Variants in ATXN7L1 observed in about 807,000 individuals in gnomAD.
ATXN7L1 encodes ataxin 7 like 1, also known as ataxin-7-like protein 1.
A neutral mutation model predicts 70.8 loss-of-function variants in ATXN7L1; 15 were observed. The ratio of observed to expected loss-of-function variants is 0.21; its 90% CI spans 0.14 to 0.33. The LOEUF (loss-of-function observed/expected upper bound fraction) is 0.33, where lower values mean the gene tolerates loss of function less well. Ranked by LOEUF, ATXN7L1 falls within the 10% of genes least tolerant of loss-of-function variation. ATXN7L1 has a pLI of 1.00. For missense variants in ATXN7L1, 975 were observed against 1,097.1 expected (o/e 0.89, Z 1.57); for synonymous variants, 440 against 445.1 (o/e 0.99, Z 0.14).
intron 2 of ATXN7L1, among the ~76,000 whole-genome samples, chr7:105,809,710 T>C (rs1004325134): frequency 6.6e-6 from 1 of 151,892 alleles, no homozygotes; most frequent in African/African-American, 2.4e-5. Flanking sequence ...ATGAGGAAAC[T>C]GAGGCAAAGG....
chr7:105,756,289 G>T (rs1462176254), intron 3 of ATXN7L1, among the ~76,000 whole-genome samples: 1 of 152,140 alleles, frequency 6.6e-6, no homozygotes, highest in African/African-American at 2.4e-5. Flanking sequence ...TTCTTAAGGA[G>T]GGCACAACCC....
chr7:105,697,834 C>T (rs919744609), intron 3 of ATXN7L1, among the ~76,000 whole-genome samples: 49 of 152,344 alleles, frequency 3.2e-4, no homozygotes, highest in Admixed American at 5.2e-4. Flanking sequence ...TGGCTTCAGC[C>T]GGTCCCTCTG....
At position 105,638,398 on chromosome 7, in the gene ATXN7L1, A is replaced by G. The variant is rs1439246765; in HGVS notation, c.1157T>C (p.Val386Ala). Residue 386 changes from valine (V) to alanine (A), a missense_variant, in exon 7 of 12, where the codon GTT becomes GCT. Transcript: ENST00000419735. The part of the protein sequence containing the change: ...SSGSSGPEPK[V>A]ASPAKSRPPN... ...TGGTCTGGATTTTGCAGGGGATGCA[A>G]CTTTTGGTTCTGGCCCAGAGCTCCC... The G allele has an allele frequency of 1.3e-6, 2 of 1,552,170 alleles. No individual in the cohort carries two copies. Among genetic ancestry groups the G allele is most frequent in the East Asian group, 2.4e-5 (1 of 40,916 alleles).
chr7:105,805,942 G>C, intron 2 of ATXN7L1, among the ~76,000 whole-genome samples: 1 of 152,212 alleles, frequency 6.6e-6, no homozygotes, highest in East Asian at 1.9e-4. Context: ...GCAGAGAGCA[G>C]TGATCGGGTG....
intron 3 of ATXN7L1, among the ~76,000 whole-genome samples, chr7:105,681,447 T>C (rs1805541023): frequency 6.6e-6 from 1 of 152,174 alleles, no homozygotes; most frequent in Non-Finnish European, 1.5e-5. Flanking sequence ...TCGTGCACTG[T>C]TGGTGGGAAT....
intron 3 of ATXN7L1, among the ~76,000 whole-genome samples, chr7:105,774,485 G>A (rs182042522): frequency 2.6e-4 from 39 of 151,702 alleles, no homozygotes; most frequent in African/African-American, 9.0e-4. Context: ...CCTAGTAGCT[G>A]AGATAACAGA....
At chr7:105,736,006 C>T (rs1331928742) in intron 3 of ATXN7L1, among the ~76,000 whole-genome samples, 1 of 152,154 alleles carries the variant, frequency 6.6e-6, no homozygotes, top group South Asian at 2.1e-4. Context: ...CCCTTAAAAA[C>T]TGGGGCTGAA....
intron 2 of ATXN7L1, among the ~76,000 whole-genome samples, chr7:105,799,458 C>T (rs939634294): frequency 2.2e-5 from 3 of 137,440 alleles, no homozygotes; most frequent in African/African-American, 8.2e-5. Flanking sequence ...GACAGGCAAT[C>T]CCACGGCTGA....
intron 10 of ATXN7L1, among the ~76,000 whole-genome samples, chr7:105,613,276 T>G (rs562497314): frequency 1.3e-5 from 2 of 152,164 alleles, no homozygotes; most frequent in Admixed American, 6.5e-5. Context: ...CTGGTGACAG[T>G]TGCAGTTTTT....
At chr7:105,810,927 T>G (rs1166378131) in intron 2 of ATXN7L1, among the ~76,000 whole-genome samples, 1 of 152,104 alleles carries the variant, frequency 6.6e-6, no homozygotes, top group Non-Finnish European at 1.5e-5. Context: ...CCTAGTGGAC[T>G]AGATGTGGAT....
chr7:105,859,251 C>T (rs1265971634), intron 2 of ATXN7L1, among the ~76,000 whole-genome samples: 1 of 152,070 alleles, frequency 6.6e-6, no homozygotes, highest in Admixed American at 6.6e-5. Flanking sequence ...AACATACATA[C>T]ATATTTATGT....
intron 3 of ATXN7L1, among the ~76,000 whole-genome samples, chr7:105,707,511 C>T (rs775466516): frequency 1.8e-4 from 27 of 152,180 alleles, no homozygotes; most frequent in Non-Finnish European, 3.2e-4. Context: ...GCCTCCTCCT[C>T]ACAGCCTTTG....
At chr7:105,748,757 C>G (rs963690148) in intron 3 of ATXN7L1, among the ~76,000 whole-genome samples, 2 of 152,196 alleles carry the variant, frequency 1.3e-5, no homozygotes, top group East Asian at 3.8e-4. Flanking sequence ...AAACAGCACT[C>G]AGGGCCAAGT....
At chr7:105,782,998 C>T (rs1563088657) in intron 3 of ATXN7L1, among the ~76,000 whole-genome samples, 1 of 152,194 alleles carries the variant, frequency 6.6e-6, no homozygotes, top group Admixed American at 6.5e-5. Flanking sequence ...ATTGACAATC[C>T]TTTCTTTATT....
At chr7:105,727,746 G>GTATATA (rs1232202676) in intron 3 of ATXN7L1, among the ~76,000 whole-genome samples, 55 of 55,338 alleles carry the variant, frequency 9.9e-4, no homozygotes, top group East Asian at 4.7e-3. Flanking sequence ...GTGTATGTGT[G>GTATATA]TATATATATA....
chr7:105,734,625 C>G (rs1468038942), intron 3 of ATXN7L1, among the ~76,000 whole-genome samples: 2 of 151,856 alleles, frequency 1.3e-5, no homozygotes, highest in Non-Finnish European at 2.9e-5. Flanking sequence ...GTTTTAGCAA[C>G]CTCCTTTCAT....
At chr7:105,816,975 G>T (rs1479489003) in intron 2 of ATXN7L1, among the ~76,000 whole-genome samples, 1 of 152,166 alleles carries the variant, frequency 6.6e-6, no homozygotes, top group African/African-American at 2.4e-5. Flanking sequence ...GGATACAAAG[G>T]ATATTTTATT....
chr7:105,863,046 C>A (rs1013115905), intron 2 of ATXN7L1, among the ~76,000 whole-genome samples: 2 of 152,180 alleles, frequency 1.3e-5, no homozygotes, highest in African/African-American at 4.8e-5. Flanking sequence ...GAGTGATCTC[C>A]GCTCCATCAT....
intron 5 of ATXN7L1, among the ~76,000 whole-genome samples, chr7:105,641,146 G>A (rs1366561529): frequency 6.8e-6 from 1 of 147,158 alleles, no homozygotes; most frequent in Non-Finnish European, 1.5e-5. Context: ...AGATTCCCTG[G>A]CTGGTTACCA....
Sources: allele counts gnomAD v4.1 joint callset (sites outside exome capture counted in the v4.1 genomes callset), GRCh38; gene constraint gnomAD v4.1.1; transcripts MANE v1.5; gene names NCBI Gene and HGNC (gene_info 2026-07-23, HGNC 2026-07-21).